Variants in DHRS4L2 observed in about 807,000 individuals in gnomAD.
The protein encoded by DHRS4L2 is dehydrogenase/reductase SDR family member 4-like 2.
A neutral mutation model predicts 23.9 loss-of-function variants in DHRS4L2; 22 were observed. That is an observed-to-expected ratio of 0.92 (90% confidence interval 0.66 to 1.31). The LOEUF (loss-of-function observed/expected upper bound fraction) is 1.31, where lower values mean the gene tolerates loss of function less well. Among genes scored for constraint, DHRS4L2 ranks in the 40% most tolerant of loss-of-function variants. The probability of loss-of-function intolerance (pLI) is 0.00; values close to 1 mark genes in which losing one functional copy is unlikely to be tolerated. For synonymous variants in DHRS4L2, 141 were observed against 123.7 expected, an observed-to-expected ratio of 1.14 and a Z score of -0.93; for missense variants, 385 against 303.3, an observed-to-expected ratio of 1.27 and a Z score of -2.00.
intron 2 of DHRS4L2, among the ~76,000 whole-genome samples, chr14:23,994,219 A>C (rs557625257): frequency 6.6e-6 from 1 of 151,882 alleles, no homozygotes; most frequent in Admixed American, 6.5e-5. Context: ...AGAACTGGAC[A>C]GTAAGCACTT....
In DHRS4L2 at chr14:24,001,957, C is replaced by CTTTTTTTTTTTTTTTTTTTTTTT; in HGVS notation, c.665+456_665+457insTTTTTTTTTTTTTTTTTTTTTTT. ...CCTTTCCATTCTTCACTTTCCTCTTCTTTTTTTTTTTTTTTTCTTTTTTAA... is the reference window on the plus strand; with the variant it reads ...CCTTTCCATTCTTCACTTTCCTCTTCTTTTTTTTTTTTTTTTTTTTTTTTTTTTTTTTTTTTTTTCTTTTTTAA... On this transcript the variant is annotated intron_variant, in intron 6 of 7. Coordinates refer to ENST00000335125, the MANE Select transcript of DHRS4L2 (RefSeq NM_198083.4). Among the ~76,000 whole-genome samples the CTTTTTTTTTTTTTTTTTTTTTTT allele has an allele frequency of 1.6e-3, 9 of 5,514 alleles. 2 individuals carry two copies. The highest frequency in any genetic ancestry group is 1.3e-3 in the Non-Finnish European group (6 of 4,494). 3.6% of individuals were successfully genotyped at this position (5,514 alleles called of 152,430 possible). A position where few individuals can be genotyped will look rare whatever the true frequency, so the allele number is the denominator to read the frequency against.
At chr14:23,986,513 A>G (rs1243867008), upstream of DHRS4L2, among the ~76,000 whole-genome samples, 175 of 138,922 alleles carry the variant, frequency 1.3e-3, 4 homozygotes, top group Admixed American at 1.7e-3. Context: ...ATAATAAAAA[A>G]AAAAAAAGAA....
intron 1 of DHRS4L2, among the ~76,000 whole-genome samples, chr14:23,972,856 T>C (rs2033889458): frequency 6.6e-6 from 1 of 151,872 alleles, no homozygotes; most frequent in South Asian, 2.1e-4. Context: ...ATCTACATCA[T>C]AATTCAGTTC....
At chr14:23,999,883 C>T (rs1346398832) in intron 3 of DHRS4L2, among the ~76,000 whole-genome samples, 3 of 121,124 alleles carry the variant, frequency 2.5e-5, no homozygotes, top group South Asian at 5.4e-4. Context: ...TTAGTACAGA[C>T]GAGGTTTGCC....
At chr14:23,974,999 C>A (rs1318283853) in intron 1 of DHRS4L2, among the ~76,000 whole-genome samples, 1 of 151,804 alleles carries the variant, frequency 6.6e-6, no homozygotes, top group Admixed American at 6.6e-5. Flanking sequence ...CAAAAATCCT[C>A]AATAAAATAC....
At chr14:23,993,226 A>T (rs1415995118) in intron 2 of DHRS4L2, among the ~76,000 whole-genome samples, 1 of 151,684 alleles carries the variant, frequency 6.6e-6, no homozygotes, top group Non-Finnish European at 1.5e-5. Flanking sequence ...AGACTTACAC[A>T]GAGCCAACCC....
chr14:24,000,832 A>G, intron 3 of DHRS4L2, 31 bp from the exon 4 acceptor site: 2 of 1,590,232 alleles, frequency 1.3e-6, no homozygotes, highest in African/African-American at 2.8e-5. Context: ...CTCTTCACTC[A>G]TGCTGTTTCC....
chr14:23,971,213 G>A (rs1382078813), intron 1 of DHRS4L2, among the ~76,000 whole-genome samples: 1 of 152,046 alleles, frequency 6.6e-6, no homozygotes, highest in Middle Eastern at 3.4e-3. Context: ...CCAGCTAAAG[G>A]AACATGTTCT....
chr14:23,980,605 CA>C (rs2034034385), intron 1 of DHRS4L2, among the ~76,000 whole-genome samples: 2 of 148,964 alleles, frequency 1.3e-5, no homozygotes, highest in African/African-American at 4.9e-5. Flanking sequence ...GCTTATCCAC[CA>C]TGATCAAGTT....
upstream of DHRS4L2, among the ~76,000 whole-genome samples, chr14:23,986,748 G>C (rs898023134): frequency 1.3e-5 from 2 of 150,852 alleles, no homozygotes; most frequent in African/African-American, 4.9e-5. Context: ...CCCCCTGGAG[G>C]CTTGTCCCTT....
chr14:23,976,507 G>C lies in DHRS4L2; in HGVS notation c.-176+6175G>C, dbSNP rs539094214. ...AGGAAGGCTTTTAGACTGTTGGTGG[G>C]AGTGTAAATTAGTTCAACCATTGTG... On this transcript the variant is annotated intron_variant, in intron 1 of 5. Transcript: ENST00000534993. Among the ~76,000 whole-genome samples the C allele has an allele frequency of 1.8e-3, 271 of 151,940 alleles. 3 individuals are homozygous for C. The highest frequency in any genetic ancestry group is 3.5e-3 in the Non-Finnish European group (241 of 67,922).
chr14:23,981,064 T>C (rs2034042893), intron 1 of DHRS4L2, among the ~76,000 whole-genome samples: 1 of 151,804 alleles, frequency 6.6e-6, no homozygotes, highest in Non-Finnish European at 1.5e-5. Flanking sequence ...AACGCCATCA[T>C]CTCAGCTCAA....
At chr14:23,971,623 A>G (rs569644343) in intron 1 of DHRS4L2, among the ~76,000 whole-genome samples, 3 of 152,178 alleles carry the variant, frequency 2.0e-5, no homozygotes, top group African/African-American at 4.8e-5. Context: ...GACTAACAGC[A>G]GATCTCTCAG....
upstream of DHRS4L2, among the ~76,000 whole-genome samples, chr14:23,984,732 G>A (rs1482380548): frequency 4.0e-5 from 6 of 149,460 alleles, 1 homozygote; most frequent in South Asian, 2.1e-4. Context: ...GCTTGAACCC[G>A]GGAGGCAGAG....
At chr14:23,990,411 C>A in intron 2 of DHRS4L2, 52 bp downstream of exon 2, 2 of 1,552,608 alleles carry the variant, frequency 1.3e-6, no homozygotes, top group Non-Finnish European at 1.7e-6. Flanking sequence ...AGGAAGCCAG[C>A]CTGAGCCTCC....
chr14:23,986,160 G>T (rs2034135741), upstream of DHRS4L2, among the ~76,000 whole-genome samples: 1 of 151,404 alleles, frequency 6.6e-6, no homozygotes, highest in East Asian at 1.9e-4. Flanking sequence ...CCCACCCCAA[G>T]ATTTCCTGTT....
chr14:23,973,483 C>G (rs2033906138), intron 1 of DHRS4L2, among the ~76,000 whole-genome samples: 1 of 151,962 alleles, frequency 6.6e-6, no homozygotes, highest in Non-Finnish European at 1.5e-5. Flanking sequence ...AGAGTGGGTG[C>G]TGAGGCTGAG....
chr14:24,001,538 A>G, intron 6 of DHRS4L2, 21 bp downstream of exon 6: 1 of 1,600,560 alleles, frequency 6.2e-7, no homozygotes, highest in South Asian at 1.1e-5. Flanking sequence ...GGAGCTTTGC[A>G]TTTGACTGGG....
At chr14:23,983,765 G>A (rs1046603618) in intron 1 of DHRS4L2, among the ~76,000 whole-genome samples, 6 of 151,532 alleles carry the variant, frequency 4.0e-5, no homozygotes, top group African/African-American at 1.5e-4. Flanking sequence ...ATCATTCTCA[G>A]CAAACTAACA....
Sources: gnomAD v4.1 joint callset for allele counts (sites outside exome capture counted in the v4.1 genomes callset) on GRCh38, gnomAD v4.1.1 for gene constraint, MANE v1.5 for transcripts, NCBI Gene and HGNC (gene_info 2026-07-23, HGNC 2026-07-21) for gene names.